The following SERF2 variants were observed in gnomAD, a reference collection of about 807,000 sequenced individuals.
The protein encoded by SERF2 is small EDRK-rich factor 2.
A neutral mutation model predicts 10.7 loss-of-function variants in SERF2; 4 were observed. The ratio of observed to expected loss-of-function variants is 0.37; its 90% CI spans 0.18 to 0.86. The LOEUF is 0.86. Among genes scored for constraint, SERF2 ranks in the 40% least tolerant of loss-of-function variants. The probability of loss-of-function intolerance (pLI) is 0.43; values close to 1 mark genes in which losing one functional copy is unlikely to be tolerated. For synonymous variants in SERF2, 26 were observed against 26.0 expected, an observed-to-expected ratio of 1.00 and a Z score of 0.01; for missense variants, 47 against 79.1, an observed-to-expected ratio of 0.59 and a Z score of 1.54.
intron 1 of SERF2, 65 bp from the exon 2 acceptor site, chr15:43,792,910 T>C: frequency 1.7e-6 from 2 of 1,194,916 alleles, no homozygotes; most frequent in South Asian, 1.3e-5. Flanking sequence ...CGCGCTGGGG[T>C]AGAAGGGTCG....
upstream of SERF2, among the ~76,000 whole-genome samples, chr15:43,791,485 T>G (rs1457512454): frequency 5.3e-5 from 8 of 152,128 alleles, no homozygotes; most frequent in Non-Finnish European, 1.5e-5. Flanking sequence ...TCTGCCCACC[T>G]CAGCCTCCCA....
In SERF2 at chr15:43,792,766, C is replaced by T. The variant is rs1262549495; in HGVS notation, c.8-209C>T. The T allele has an allele frequency of 1.6e-5, 11 of 705,600 alleles. No individual in the cohort carries two copies. The East Asian group carries it at 2.5e-4, about 16-fold the overall frequency. 43.7% of individuals were successfully genotyped at this position (705,600 alleles called of 1,614,324 possible). ...CACGCCTCCAGCTGGCCCCTTGGGACCTCCCTTCTCTAGTCCGTATTTTGA... is the reference window on the plus strand; with the variant it reads ...CACGCCTCCAGCTGGCCCCTTGGGATCTCCCTTCTCTAGTCCGTATTTTGA... On this transcript the variant is annotated intron_variant, in intron 1 of 2. Transcript: ENST00000249786.
chr15:43,787,701 ATTT>A (rs769570867), upstream of SERF2, among the ~76,000 whole-genome samples: 1 of 141,146 alleles, frequency 7.1e-6, no homozygotes. Context: ...CCCAGCCAGA[ATTT>A]TTTTTTTTTT....
rs775412066 is a variant in SERF2 at position 43,792,994 on chromosome 15, C to T, written c.27C>T (p.Leu9=). 4 of 1,610,548 alleles carry T rather than the reference C, an allele frequency of 2.5e-6. No individual in the cohort carries two copies. Among genetic ancestry groups the T allele is most frequent in the African/African-American group, 1.3e-5 (1 of 75,010 alleles). MTRGNQRE[L]ARQKNMKKQS... The stretch of plus-strand genomic sequence containing the variant: ...CCTTAGGCGGTAACCAGCGTGAGCT[C>T]GCCCGCCAGAAGAATATGAAAAAGC... Residue 9 remains leucine, a synonymous_variant, in exon 2 of 3, where the codon CTC becomes CTT. Transcript: ENST00000249786.
At chr15:43,787,073 T>C (rs1266966624) in intron 2 of SERF2, among the ~76,000 whole-genome samples, 3 of 150,104 alleles carry the variant, frequency 2.0e-5, no homozygotes, top group East Asian at 2.0e-4. Context: ...CCACTCGGCT[T>C]ACTGCAACCT....
rs1003946517 is a variant in SERF2, at chr15:43,795,604, A to T, written c.*1831A>T. 1.7e-5 allele frequency: 28 copies of T among 1,611,710 alleles called. No homozygotes were observed. The African/African-American group carries it at 3.7e-4, about 22-fold the overall frequency. ...GAAACACCTCTTCCCCTCTCCCCCA[A>T]CTACCTTTGTTAAGGCTCTTGAGGG... On this transcript the variant is annotated 3_prime_UTR_variant, in exon 3 of 3. Transcript: ENST00000249786.
rs1447444143 is a variant in SERF2, at chr15:43,795,514, G to GGAA, written c.*1741_*1742insGAA. ...AGGAGCTGGAGGGGTTTCTTGGTCAGCTGGCCTCGCAGCCCCACCCCTTTG... is the reference window on the plus strand; with the variant it reads ...AGGAGCTGGAGGGGTTTCTTGGTCAGGAACTGGCCTCGCAGCCCCACCCCTTTG... On this transcript the variant is annotated 3_prime_UTR_variant, in exon 3 of 3. Transcript: ENST00000249786. 6.2e-7 allele frequency: 1 copy of GGAA among 1,614,168 alleles called. No homozygotes were observed. The highest frequency in any genetic ancestry group is 2.2e-5 in the East Asian group (1 of 44,886).
intron 2 of SERF2, among the ~76,000 whole-genome samples, chr15:43,786,414 C>CAAA (rs1190326241): frequency 7.2e-5 from 5 of 68,984 alleles, no homozygotes; most frequent in East Asian, 4.1e-4. Flanking sequence ...GACTCTGTCT[C>CAAA]AAAAAAAAAA....
In SERF2 at chr15:43,793,088, C is replaced by G. The variant is rs879146694; in HGVS notation, c.116+5C>G. 3.1e-6 allele frequency: 5 copies of G among 1,595,564 alleles called. No individual in the cohort carries two copies. In the African/African-American group the frequency reaches 4.0e-5, roughly 13 times the overall value. On this transcript the variant is annotated splice_donor_5th_base_variant and intron_variant, in intron 2 of 2. Transcript: ENST00000249786. ...TGCTGCCGCCCGCAAGCAGAGGTAG[C>G]CCCAGGGAGGGGAGGGAAAGGGACG...
At chr15:43,792,046 G>C (rs772927044), upstream of SERF2, 3 of 486,786 alleles carry the variant, frequency 6.2e-6, no homozygotes, top group South Asian at 4.6e-5. Flanking sequence ...TCGAGCCCGC[G>C]GGAGCGCCAC....
At chr15:43,784,276 T>C (rs2086987804) in intron 1 of SERF2, among the ~76,000 whole-genome samples, 1 of 152,116 alleles carries the variant, frequency 6.6e-6, no homozygotes, top group Non-Finnish European at 1.5e-5. Flanking sequence ...TTTCCAGTGT[T>C]GCTGCTGACA....
At position 43,793,784 on chromosome 15, in the gene SERF2, T is replaced by C; in HGVS notation, c.*11T>C. 7 of 1,614,158 alleles carry C rather than the reference T, an allele frequency of 4.3e-6. No homozygotes were observed. Among genetic ancestry groups the C allele is most frequent in the Non-Finnish European group, 5.9e-6 (7 of 1,180,024 alleles). ...GAGGAACCCAAGTAGCTTTGTGGCT[T>C]CGTGTCCAACCCTCTTGCCCTTCGC... On this transcript the variant is annotated 3_prime_UTR_variant, in exon 3 of 3. Coordinates refer to ENST00000249786, the MANE Select transcript of SERF2 (RefSeq NM_001018108.4).
At chr15:43,788,871 C>T (rs914665158), upstream of SERF2, among the ~76,000 whole-genome samples, 7 of 152,038 alleles carry the variant, frequency 4.6e-5, no homozygotes, top group African/African-American at 1.4e-4. Flanking sequence ...ACACTAGGGC[C>T]GGGCGCGGTG....
At chr15:43,785,306 T>A (rs965802411) in intron 1 of SERF2, 2 of 151,908 alleles carry the variant, frequency 1.3e-5, no homozygotes, top group Non-Finnish European at 2.9e-5. Context: ...TGGCCTCAAA[T>A]GATCCACCTG....
In SERF2 at chr15:43,795,631, T is replaced by G; in HGVS notation, c.*1858T>G. The G allele has an allele frequency of 6.2e-7, 1 of 1,606,944 alleles. No homozygotes were observed. The highest frequency in any genetic ancestry group is 8.5e-7 in the Non-Finnish European group (1 of 1,175,744). On this transcript the variant is annotated 3_prime_UTR_variant, in exon 3 of 3. Transcript: ENST00000249786. Reference sequence around the variant, plus strand: ...TACCTTTGTTAAGGCTCTTGAGGGTTCTTATGGCACTCCACAGAGATCTAC... The same window carrying G: ...TACCTTTGTTAAGGCTCTTGAGGGTGCTTATGGCACTCCACAGAGATCTAC...
chr15:43,795,730 AG>A lies in SERF2; in HGVS notation c.*1960del, dbSNP rs1336179804. 1 of 1,613,970 alleles carries A rather than the reference AG, an allele frequency of 6.2e-7. No homozygotes were observed. Among genetic ancestry groups the A allele is most frequent in the Non-Finnish European group, 8.5e-7 (1 of 1,179,930 alleles). ...GTTTCAGGGCAGCAGAAACACAGTG[AG>A]GGCTTCTGCAAAACAGAACGCAGGT... On this transcript the variant is annotated 3_prime_UTR_variant, in exon 3 of 3. Transcript: ENST00000249786.
chr15:43,795,858 T>C lies in SERF2; in HGVS notation c.*2085T>C. Reference sequence around the variant, plus strand: ...AAGTGGAGGCACACCTGGGTTCAAATTCTAGCTCCAGCATATAAGTGGCTG... The same window carrying C: ...AAGTGGAGGCACACCTGGGTTCAAACTCTAGCTCCAGCATATAAGTGGCTG... On this transcript the variant is annotated 3_prime_UTR_variant, in exon 3 of 3. Transcript: ENST00000249786. The C allele has an allele frequency of 2.1e-6, 2 of 966,100 alleles. No individual in the cohort carries two copies. Among genetic ancestry groups the C allele is most frequent in the Non-Finnish European group, 3.1e-6 (2 of 653,968 alleles). 59.8% of individuals were successfully genotyped at this position (966,100 alleles called of 1,614,324 possible).
intron 1 of SERF2, among the ~76,000 whole-genome samples, chr15:43,781,455 G>C (rs2141667571): frequency 6.6e-6 from 1 of 152,140 alleles, no homozygotes; most frequent in African/African-American, 2.4e-5. Flanking sequence ...GGGAGGAGGA[G>C]ACAGGAGAAT....
chr15:43,781,570 ATTGT>A lies in SERF2; in HGVS notation c.-526-3837_-526-3834del, dbSNP rs1284938141. Among the ~76,000 whole-genome samples, 9 of 148,548 alleles carry A rather than the reference ATTGT, an allele frequency of 6.1e-5. No homozygotes were observed. The Admixed American group carries it at 6.1e-4, about 10-fold the overall frequency. On this transcript the variant is annotated intron_variant, in intron 1 of 4. Coordinates refer to the SERF2 transcript ENST00000381359. ...CAAACAAACAACAAAAGAAAAACTT[ATTGT>A]TTATGTCTGCATTTTTCCTTTTTTT...
Sources: allele counts gnomAD v4.1 joint callset (sites outside exome capture counted in the v4.1 genomes callset), GRCh38; gene constraint gnomAD v4.1.1; transcripts MANE v1.5; gene names NCBI Gene and HGNC (gene_info 2026-07-23, HGNC 2026-07-21).